Variants in GLIS3 observed in about 807,000 individuals in gnomAD.
The protein encoded by GLIS3 is GLIS family zinc finger 3, also known as zinc finger protein GLIS3.
In GLIS3, 53 loss-of-function variants were observed where a neutral mutation model predicts 78.6. That is an observed-to-expected ratio of 0.67 (90% CI 0.54 to 0.85). The LOEUF (loss-of-function observed/expected upper bound fraction) is 0.85. Among genes scored for constraint, GLIS3 ranks in the 40% least tolerant of loss-of-function variants. The pLI, the probability that GLIS3 is intolerant of heterozygous loss-of-function variation, is 0.00. For synonymous variants in GLIS3, 684 were observed against 509.9 expected (o/e 1.34, Z -4.60); for missense variants, 1,703 against 1,231.1 (o/e 1.38, Z -5.74).
At chr9:4,144,847 T>C (rs1346072278) in intron 2 of GLIS3, 1 of 152,252 alleles carries the variant, frequency 6.6e-6, no homozygotes, top group Non-Finnish European at 1.5e-5. Context: ...ACCTGTATTA[T>C]ATTTCTTTAG....
chr9:4,321,421 C>CAAAAA (rs35583742), intron 2 of GLIS3, among the ~76,000 whole-genome samples: 527 of 16,300 alleles, frequency 0.032, 217 homozygotes, highest in Non-Finnish European at 0.042. Context: ...GACTCCGTCT[C>CAAAAA]AAAAAAAAAA....
intron 4 of GLIS3, among the ~76,000 whole-genome samples, chr9:4,061,329 C>T (rs904328021): frequency 2.7e-5 from 4 of 149,504 alleles, no homozygotes; most frequent in Non-Finnish European, 4.4e-5. Context: ...GGTTTTTTGT[C>T]CTTGCCAGAG....
At chr9:4,282,427 T>C (rs1373697306) in intron 2 of GLIS3, among the ~76,000 whole-genome samples, 3 of 152,194 alleles carry the variant, frequency 2.0e-5, no homozygotes, top group African/African-American at 7.2e-5. Context: ...TCAGTTGAAG[T>C]CCTGAATAGA....
At chr9:4,006,349 C>T (rs931327175) in intron 4 of GLIS3, among the ~76,000 whole-genome samples, 3 of 143,538 alleles carry the variant, frequency 2.1e-5, no homozygotes, top group African/African-American at 7.8e-5. Context: ...TTCTAAATCG[C>T]AAACAACCAT....
intron 7 of GLIS3, 89 bp from the exon 8 acceptor site, chr9:3,879,684 A>C (rs1821599883): frequency 4.9e-6 from 7 of 1,414,658 alleles, no homozygotes; most frequent in African/African-American, 1.4e-5. Context: ...AGCATATTTG[A>C]GGGGCTTGCT....
intron 6 of GLIS3, among the ~76,000 whole-genome samples, chr9:3,911,832 C>T (rs568744589): frequency 4.6e-5 from 7 of 152,258 alleles, no homozygotes; most frequent in Non-Finnish European, 8.8e-5. Context: ...GCTGCCATTT[C>T]TATTATTATT....
chr9:4,295,554 T>A (rs1238308720), intron 1 of GLIS3, among the ~76,000 whole-genome samples: 1 of 152,014 alleles, frequency 6.6e-6, no homozygotes, highest in Non-Finnish European at 1.5e-5. Context: ...TACACAAGAT[T>A]TTTTTTAAAA....
intron 4 of GLIS3, among the ~76,000 whole-genome samples, chr9:3,966,436 C>CTTTTTT (rs892102282): frequency 1.3e-5 from 2 of 148,954 alleles, no homozygotes; most frequent in Non-Finnish European, 3.0e-5. Context: ...GATGCAAAGC[C>CTTTTTT]TTTTTTTTTT....
the GLIS3 span, among the ~76,000 whole-genome samples, chr9:4,388,662 C>A: frequency 6.6e-6 from 1 of 151,522 alleles, no homozygotes; most frequent in African/African-American, 2.4e-5. Context: ...GGTGACAGAG[C>A]GAGACTCCAT....
intron 2 of GLIS3, among the ~76,000 whole-genome samples, chr9:4,181,409 T>C (rs1563709765): frequency 6.6e-6 from 1 of 152,226 alleles, no homozygotes; most frequent in Non-Finnish European, 1.5e-5. Context: ...AGCCAGGTAG[T>C]CCAGAATGAC....
the GLIS3 span, among the ~76,000 whole-genome samples, chr9:4,379,090 G>A: frequency 7.2e-5 from 11 of 152,256 alleles, no homozygotes; most frequent in Middle Eastern, 3.4e-3. Flanking sequence ...CGGCCGTGTC[G>A]TTATGTTATC....
chr9:4,301,098 T>C (rs1302675560), upstream of GLIS3, among the ~76,000 whole-genome samples: 1 of 152,178 alleles, frequency 6.6e-6, no homozygotes, highest in Non-Finnish European at 1.5e-5. Context: ...GCAGTTTTCA[T>C]TTATCTAATT....
intron 2 of GLIS3, among the ~76,000 whole-genome samples, chr9:4,137,906 T>C (rs1833519695): frequency 6.6e-6 from 1 of 152,228 alleles, no homozygotes; most frequent in South Asian, 2.1e-4. Flanking sequence ...ACAAATTTTC[T>C]AGCAATCCCA....
At chr9:4,385,797 GAAAGAAAGAAAGAAAAGAAAGAAAGAGA>G in the GLIS3 span, among the ~76,000 whole-genome samples, 4 of 73,312 alleles carry the variant, frequency 5.5e-5, no homozygotes, top group Admixed American at 4.1e-4. Context: ...AAGAAAGAAA[GAAAGAAAGAAAGAAAAGAAAGAAAGAGA>G]AAAGAAAGAA....
chr9:4,348,627 G>A (rs1161650846), upstream of GLIS3, among the ~76,000 whole-genome samples: 4 of 152,146 alleles, frequency 2.6e-5, no homozygotes, highest in African/African-American at 9.7e-5. Context: ...TATGAAAGAA[G>A]GTGGGAACGA....
chr9:3,939,604 GACA>G (rs1225057639), intron 4 of GLIS3, among the ~76,000 whole-genome samples: 1 of 152,022 alleles, frequency 6.6e-6, no homozygotes, highest in Non-Finnish European at 1.5e-5. Flanking sequence ...GACTGAAAAT[GACA>G]ACAAAAAGAT....
chr9:4,248,640 T>C (rs1198352445), intron 2 of GLIS3, among the ~76,000 whole-genome samples: 2 of 152,208 alleles, frequency 1.3e-5, no homozygotes, highest in South Asian at 2.1e-4. Flanking sequence ...GTATTTCTGG[T>C]TCTAGATCCT....
At chr9:3,954,328 A>G (rs1258843936) in intron 4 of GLIS3, among the ~76,000 whole-genome samples, 3 of 152,234 alleles carry the variant, frequency 2.0e-5, no homozygotes, top group Non-Finnish European at 4.4e-5. Context: ...GCCAAAGCTT[A>G]GAAATAATGG....
intron 2 of GLIS3, among the ~76,000 whole-genome samples, chr9:4,246,153 G>A (rs1823782924): frequency 6.6e-6 from 1 of 152,132 alleles, no homozygotes; most frequent in Admixed American, 6.5e-5. Flanking sequence ...GAGGCAAGTA[G>A]TTCAAGGCCA....
Sources: allele counts gnomAD v4.1 joint callset (sites outside exome capture counted in the v4.1 genomes callset), GRCh38; gene constraint gnomAD v4.1.1; transcripts MANE v1.5; gene names NCBI Gene and HGNC (gene_info 2026-07-23, HGNC 2026-07-21).